Variants in ACACB observed in about 807,000 individuals in gnomAD.
ACACB encodes the protein acetyl-CoA carboxylase beta, also known as acetyl-CoA carboxylase 2.
In ACACB, 209 loss-of-function variants were observed where a neutral mutation model predicts 278.8. The observed-to-expected ratio is 0.75, with a 90% CI of 0.67 to 0.84. The LOEUF (loss-of-function observed/expected upper bound fraction) is 0.84, where lower values mean the gene tolerates loss of function less well. Among genes scored for constraint, ACACB ranks in the 40% least tolerant of loss-of-function variants. The probability of loss-of-function intolerance (pLI) is 0.00; values close to 1 mark genes in which losing one functional copy is unlikely to be tolerated. For missense variants in ACACB, 2,850 were observed against 3,269.0 expected (o/e 0.87, Z 3.13); for synonymous variants, 1,174 against 1,285.6 (o/e 0.91, Z 1.86).
Position 109,242,466 on chromosome 12 carries a change from A to G in ACACB, c.5052A>G (p.Gln1684=), listed in dbSNP as rs759729144. 11 of 1,613,262 alleles carry G rather than the reference A, an allele frequency of 6.8e-6. No individual in the cohort carries two copies. The highest frequency in any genetic ancestry group is 9.3e-6 in the Non-Finnish European group (11 of 1,179,322). The change falls in exon 37 of 53, where the codon CAA becomes CAG. Residue 1684 remains glutamine (Q), a synonymous_variant. Transcript: ENST00000338432. The part of the protein sequence containing the change: ...NIMFHSFGNK[Q]GPQHGMLINT... ...TGTTTCACTCCTTCGGCAACAAGCA[A>G]GGGCCCCAGCACGGGATGCTGATCA...
At chr12:109,146,648 C>A (rs1364470109) in intron 2 of ACACB, among the ~76,000 whole-genome samples, 2 of 152,094 alleles carry the variant, frequency 1.3e-5, no homozygotes, top group Admixed American at 1.3e-4. Flanking sequence ...CTTGTTTTGA[C>A]GCTTTGTTGT....
rs144545047 is a variant in ACACB, at chr12:109,194,610, CTGTGTGTGTG to C, written c.2481+911_2481+920del. Among the ~76,000 whole-genome samples, 86 of 95,282 alleles carry C rather than the reference CTGTGTGTGTG, an allele frequency of 9.0e-4. 1 individual carries two copies. The highest frequency in any genetic ancestry group is 1.1e-3 in the Admixed American group (10 of 8,830). The allele number at this position is 95,282 out of a possible 152,430, so 62.5% of individuals were successfully genotyped here. A position where few individuals can be genotyped will look rare whatever the true frequency, so the allele number is the denominator to read the frequency against. On this transcript the variant is annotated intron_variant, in intron 16 of 52. Transcript: ENST00000338432. ...ATGAGCCACCCCCTGGCCTCTGCCT[CTGTGTGTGTG>C]TGTGTGTGTGTGTGTGTGTGTGTGT... is the stretch of plus-strand genomic sequence containing the variant.
chr12:109,134,686 C>T (rs764693297), intron 1 of ACACB, among the ~76,000 whole-genome samples: 7 of 152,112 alleles, frequency 4.6e-5, no homozygotes, highest in African/African-American at 1.4e-4. Context: ...CAAAAGGAGA[C>T]GGGAAGGCAA....
chr12:109,149,361 C>T (rs1378522138), intron 2 of ACACB, among the ~76,000 whole-genome samples: 1 of 152,136 alleles, frequency 6.6e-6, no homozygotes, highest in Non-Finnish European at 1.5e-5. Context: ...TTCTTTGTGG[C>T]TCTAACAGTT....
In ACACB at chr12:109,210,020, CGT is replaced by C. The variant is rs776560305; in HGVS notation, c.3249+672_3249+673del. ...ATGTGTATATGTGTATATATACACA[CGT>C]GTGTATATATGTGTATATGTGTATA... On this transcript the variant is annotated intron_variant, in intron 21 of 52. Coordinates refer to ENST00000338432, the MANE Select transcript of ACACB (RefSeq NM_001093.4). 7.5e-5 allele frequency among the ~76,000 whole-genome samples: 8 copies of C among 106,896 alleles called. 2 individuals carry two copies. The highest frequency in any genetic ancestry group is 5.8e-4 in the East Asian group (2 of 3,430). The allele number at this position is 106,896 out of a possible 152,430, so 70.1% of individuals were successfully genotyped here. A position where few individuals can be genotyped will look rare whatever the true frequency, so the allele number is the denominator to read the frequency against.
Position 109,239,877 on chromosome 12 carries a change from G to A in ACACB, c.4710G>A (p.Leu1570=), listed in dbSNP as rs1194022865. Residue 1570 remains leucine, a synonymous_variant, in exon 35 of 53, where the codon CTG becomes CTA. Coordinates refer to ENST00000338432, the MANE Select transcript of ACACB (RefSeq NM_001093.4). ...YLQNEGERLL[L]EAMDELEVAF... is the part of the protein sequence containing the mutation. ...AGAACGAGGGTGAGCGGCTGCTCCT[G>A]GAGGCCATGGACGAGCTGGAGGTGG... 6.2e-7 allele frequency: 1 copy of A among 1,613,962 alleles called. No homozygotes were observed. The highest frequency in any genetic ancestry group is 2.2e-5 in the East Asian group (1 of 44,880).
intron 2 of ACACB, among the ~76,000 whole-genome samples, chr12:109,143,711 G>A (rs76395228): frequency 0.012 from 1,785 of 152,266 alleles, 37 homozygotes; most frequent in African/African-American, 0.04. Flanking sequence ...TGACAGAGAA[G>A]ACTCATGTGT....
chr12:109,165,778 T>G (rs2043876766), intron 2 of ACACB, among the ~76,000 whole-genome samples: 1 of 152,168 alleles, frequency 6.6e-6, no homozygotes, highest in Non-Finnish European at 1.5e-5. Flanking sequence ...GGGGTGGCCT[T>G]GTGAGATAAC....
At chr12:109,241,678 A>G (rs911060250) in intron 36 of ACACB, 23 of 239,932 alleles carry the variant, frequency 9.6e-5, no homozygotes, top group South Asian at 6.5e-5. Context: ...GTTGTGCACT[A>G]CTGTGGTTGA....
intron 37 of ACACB, among the ~76,000 whole-genome samples, chr12:109,244,601 G>A (rs1237016394): frequency 2.6e-5 from 4 of 151,940 alleles, no homozygotes; most frequent in African/African-American, 7.3e-5. Context: ...TTTTTTACAG[G>A]CATGAGCCAC....
intron 42 of ACACB, chr12:109,252,572 T>G (rs2047125602): frequency 5.9e-6 from 1 of 170,236 alleles, no homozygotes; most frequent in African/African-American, 2.4e-5. Context: ...ATTTTCCTTG[T>G]TGAAAAGTCT....
At chr12:109,130,162 G>T (rs916280976) in intron 1 of ACACB, among the ~76,000 whole-genome samples, 1 of 152,174 alleles carries the variant, frequency 6.6e-6, no homozygotes, top group African/African-American at 2.4e-5. Flanking sequence ...AGTGGAGATG[G>T]TGAATGCTGA....
At chr12:109,135,181 TTC>T (rs552676454) in intron 1 of ACACB, among the ~76,000 whole-genome samples, 5 of 151,842 alleles carry the variant, frequency 3.3e-5, no homozygotes, top group African/African-American at 4.8e-5. Context: ...ACACTTGTTA[TTC>T]TCTCTCTCTC....
chr12:109,166,545 G>A (rs2043900289), intron 2 of ACACB, among the ~76,000 whole-genome samples: 1 of 149,428 alleles, frequency 6.7e-6, no homozygotes, highest in Non-Finnish European at 1.5e-5. Flanking sequence ...GGCTGGGCTT[G>A]GTAGTGCCCT....
chr12:109,261,764 G>A (rs575368364), intron 48 of ACACB, among the ~76,000 whole-genome samples: 248 of 151,758 alleles, frequency 1.6e-3, no homozygotes, highest in African/African-American at 5.7e-3. Context: ...CAAGCTGCTC[G>A]GGGGGCTGAG....
At chr12:109,141,794 G>A (rs936874407) in intron 2 of ACACB, among the ~76,000 whole-genome samples, 8 of 152,162 alleles carry the variant, frequency 5.3e-5, no homozygotes, top group African/African-American at 1.7e-4. Flanking sequence ...AAGGGTTAAG[G>A]GAAGAGAAAG....
chr12:109,114,901 A>G (rs2042373889), upstream of ACACB, among the ~76,000 whole-genome samples: 1 of 152,160 alleles, frequency 6.6e-6, no homozygotes, highest in African/African-American at 2.4e-5. Flanking sequence ...GATACCTGTG[A>G]CTTTCTGAAA....
upstream of ACACB, chr12:109,116,452 G>A (rs961212143): frequency 1.3e-5 from 2 of 152,230 alleles, no homozygotes; most frequent in African/African-American, 4.8e-5. Flanking sequence ...GGAGTAGCCA[G>A]GGCTGCACAA....
intron 2 of ACACB, among the ~76,000 whole-genome samples, chr12:109,151,012 T>C (rs1445171546): frequency 6.7e-6 from 1 of 148,416 alleles, no homozygotes; most frequent in Non-Finnish European, 1.5e-5. Flanking sequence ...GGAGTCTCGC[T>C]CTGTAGCTCA....
Sources: allele counts gnomAD v4.1 joint callset (sites outside exome capture counted in the v4.1 genomes callset), GRCh38; gene constraint gnomAD v4.1.1; transcripts MANE v1.5; gene names NCBI Gene and HGNC (gene_info 2026-07-23, HGNC 2026-07-21).